The following GCGR variants were observed in gnomAD, a reference collection of about 807,000 sequenced individuals.
GCGR encodes the protein glucagon receptor.
A neutral mutation model predicts 56.1 loss-of-function variants in GCGR; 41 were observed. That is an observed-to-expected ratio of 0.73 (90% CI 0.57 to 0.95). The LOEUF (loss-of-function observed/expected upper bound fraction) is 0.95. GCGR is among the 40% of genes least tolerant of loss of function. The pLI is 0.00. For synonymous variants in GCGR, 278 were observed against 271.1 expected, an observed-to-expected ratio of 1.03 and a Z score of -0.25; for missense variants, 595 against 638.2, an observed-to-expected ratio of 0.93 and a Z score of 0.73.
Position 81,812,756 on chromosome 17 carries a change from G to A in GCGR, c.1038-51G>A. 6.5e-7 allele frequency: 1 copy of A among 1,532,526 alleles called. No homozygotes were observed. The highest frequency in any genetic ancestry group is 8.7e-7 in the Non-Finnish European group (1 of 1,144,308). 94.9% of individuals were successfully genotyped at this position (1,532,526 alleles called of 1,614,324 possible). A position where few individuals can be genotyped will look rare whatever the true frequency, so the allele number is the denominator to read the frequency against. On this transcript the variant is annotated intron_variant, in intron 11 of 13. Transcript: ENST00000400723. The surrounding 1 kb of genome is among the most constrained non-coding windows in gnomAD (Gnocchi z 8.5). ...TGGGGACTCCAAGCTCCACGTGGAT[G>A]GTGCGGGCCGAGGGTGGGGGCGGTG...
chr17:81,812,055 G>A lies in GCGR; in HGVS notation c.878+109G>A, dbSNP rs1187840789. 6 of 1,509,878 alleles carry A rather than the reference G, an allele frequency of 4.0e-6. No homozygotes were observed. Among genetic ancestry groups the A allele is most frequent in the African/African-American group, 1.4e-5 (1 of 72,354 alleles). The allele number at this position is 1,509,878 out of a possible 1,614,324, so 93.5% of individuals were successfully genotyped here. ...GATGAGCCTGGTGCCTGGGGAGGGG[G>A]TCATTTGTGACCTTCTCCCTTCCTT... On this transcript the variant is annotated intron_variant, in intron 9 of 13. Transcript: ENST00000400723. This position sits in a 1 kb window ranked among gnomAD's most constrained non-coding sequence, Gnocchi z 8.5.
Position 81,806,542 on chromosome 17 carries a change from G to A in GCGR, c.-178+2293G>A, listed in dbSNP as rs552732687. Among the ~76,000 whole-genome samples, 2 of 152,324 alleles carry A rather than the reference G, an allele frequency of 1.3e-5. No individual in the cohort carries two copies. The highest frequency in any genetic ancestry group is 1.9e-4 in the East Asian group (1 of 5,186). On this transcript the variant is annotated intron_variant, in intron 1 of 13. Coordinates refer to ENST00000400723, the MANE Select transcript of GCGR (RefSeq NM_000160.5). This position sits in a 1 kb window ranked among gnomAD's most constrained non-coding sequence, Gnocchi z 6.5. ...CCAACCCCTCCCTCGGCTCGCTGGGGTCTCCAGACTGGCTGCCCGGCTGGA... is the reference window on the plus strand; with the variant it reads ...CCAACCCCTCCCTCGGCTCGCTGGGATCTCCAGACTGGCTGCCCGGCTGGA...
In GCGR at chr17:81,809,006, G is replaced by A. The variant is rs1437243821; in HGVS notation, c.-13G>A. On this transcript the variant is annotated 5_prime_UTR_variant, in exon 2 of 14. Transcript: ENST00000400723. Reference sequence around the variant, plus strand: ...CCCTGCCAGATGTGGGAGGCAGCTAGCTGCCCAGAGGCATGCCCCCCTGCC... The same window carrying A: ...CCCTGCCAGATGTGGGAGGCAGCTAACTGCCCAGAGGCATGCCCCCCTGCC... The A allele has an allele frequency of 5.2e-6, 8 of 1,535,950 alleles. No homozygotes were observed. Among genetic ancestry groups the A allele is most frequent in the Non-Finnish European group, 7.0e-6 (8 of 1,146,864 alleles).
In GCGR at chr17:81,811,983, G is replaced by C. The variant is rs772521210; in HGVS notation, c.878+37G>C. 11 of 1,535,636 alleles carry C rather than the reference G, an allele frequency of 7.2e-6. 1 individual carries two copies. Among genetic ancestry groups the C allele is most frequent in the South Asian group, 4.8e-5 (4 of 84,000 alleles). ...CGGCTGGACAGCCTGGGGAGGGACC[G>C]GGGGGCTGGGGTGCGGCGCTCTGGC... On this transcript the variant is annotated intron_variant, in intron 9 of 13. Coordinates refer to ENST00000400723, the MANE Select transcript of GCGR (RefSeq NM_000160.5). This position sits in a 1 kb window ranked among gnomAD's most constrained non-coding sequence, Gnocchi z 5.8.
At position 81,809,773 on chromosome 17, in the gene GCGR, G is replaced by A. The variant is rs140241923; in HGVS notation, c.61-9G>A. ...TGTCTGTCTGGTTGCTTGTGCATGTGTCCCCCAGCCACAGGTCCCCTCCGC... is the reference window on the plus strand; with the variant it reads ...TGTCTGTCTGGTTGCTTGTGCATGTATCCCCCAGCCACAGGTCCCCTCCGC... On this transcript the variant is annotated splice_polypyrimidine_tract_variant and intron_variant, in intron 2 of 13. Transcript: ENST00000400723. The A allele has an allele frequency of 5.9e-4, 905 of 1,534,330 alleles. 4 individuals are homozygous for A. The African/African-American group carries it at 0.012, about 20-fold the overall frequency.
chr17:81,812,201 C>G lies in GCGR; in HGVS notation c.897C>G (p.Asp299Glu). The G allele has an allele frequency of 6.5e-7, 1 of 1,536,258 alleles. No individual in the cohort carries two copies. Among genetic ancestry groups the G allele is most frequent in the Non-Finnish European group, 8.7e-7 (1 of 1,146,790 alleles). ...FENVQCWTSN[D>E]NMGFWWILRF... ...CTCGCAGGTGCTGGACCAGCAATGA[C>G]AACATGGGCTTCTGGTGGATCCTGC... Residue 299 changes from aspartate (D) to glutamate (E), a missense_variant, in exon 10 of 14, where the codon GAC (aspartate) becomes GAG (glutamate). By Grantham distance (45) the Asp-to-Glu change is conservative. Transcript: ENST00000400723. This position sits in a 1 kb window ranked among gnomAD's most constrained non-coding sequence, Gnocchi z 8.5.
chr17:81,811,850 C>T lies in GCGR; in HGVS notation c.818-36C>T. 6.5e-7 allele frequency: 1 copy of T among 1,537,008 alleles called. No homozygotes were observed. The highest frequency in any genetic ancestry group is 8.7e-7 in the Non-Finnish European group (1 of 1,146,880). ...ATGAGAGGGGGTTAAGGCAGGCTGA[C>T]CAAGCCTTTGGGACCACAGCTGCTG... On this transcript the variant is annotated intron_variant, in intron 8 of 13. Coordinates refer to ENST00000400723, the MANE Select transcript of GCGR (RefSeq NM_000160.5). This position sits in a 1 kb window ranked among gnomAD's most constrained non-coding sequence, Gnocchi z 5.8.
rs1314672209 is a variant in GCGR, at chr17:81,813,485, G to T, written c.1230G>T (p.Glu410Asp). The change falls in exon 14 of 14, where the codon GAG (glutamate) becomes GAT (aspartate). Residue 410 changes from glutamate (E) to aspartate (D), a missense_variant. Physicochemically the swap from Glu to Asp is conservative, Grantham distance 45 (BLOSUM62 2). Transcript: ENST00000400723. This position sits in a 1 kb window ranked among gnomAD's most constrained non-coding sequence, Gnocchi z 5.3. ...YCFLNKEVQS[E>D]LRRRWHRWRL... ...GTCCCCCTCCCCAGGTGCAGTCGGA[G>T]CTGCGGCGGCGTTGGCACCGCTGGC... is the stretch of plus-strand genomic sequence containing the variant. The T allele has an allele frequency of 6.5e-7, 1 of 1,534,926 alleles. No homozygotes were observed. Among genetic ancestry groups the T allele is most frequent in the Non-Finnish European group, 8.7e-7 (1 of 1,146,708 alleles).
chr17:81,811,856 C>T lies in GCGR; in HGVS notation c.818-30C>T, dbSNP rs368505353. The T allele has an allele frequency of 1.3e-6, 2 of 1,537,042 alleles. No individual in the cohort carries two copies. Among genetic ancestry groups the T allele is most frequent in the Non-Finnish European group, 8.7e-7 (1 of 1,146,880 alleles). Reference sequence around the variant, plus strand: ...GGGGGTTAAGGCAGGCTGACCAAGCCTTTGGGACCACAGCTGCTGCCCCCC... The same window carrying T: ...GGGGGTTAAGGCAGGCTGACCAAGCTTTTGGGACCACAGCTGCTGCCCCCC... On this transcript the variant is annotated intron_variant, in intron 8 of 13. Transcript: ENST00000400723. The surrounding 1 kb of genome is among the most constrained non-coding windows in gnomAD (Gnocchi z 5.8).
rs1227289030 is a variant in GCGR at position 81,811,601 on chromosome 17, G to T, written c.657+41G>T. On this transcript the variant is annotated intron_variant, in intron 7 of 13. Coordinates refer to ENST00000400723, the MANE Select transcript of GCGR (RefSeq NM_000160.5). The surrounding 1 kb of genome is among the most constrained non-coding windows in gnomAD (Gnocchi z 5.8). Reference sequence around the variant, plus strand: ...CGGCCCCAGGCAGGTGGGTGGGTGGGCAGCCAGGCAGGTGGCCACGTAGCC... The same window carrying T: ...CGGCCCCAGGCAGGTGGGTGGGTGGTCAGCCAGGCAGGTGGCCACGTAGCC... The T allele has an allele frequency of 2.0e-6, 3 of 1,536,000 alleles. No homozygotes were observed. The East Asian group carries it at 7.3e-5, about 38-fold the overall frequency.
rs1240225006 is a variant in GCGR at position 81,811,024 on chromosome 17, G to A, written c.286G>A (p.Val96Met). ...CACACCCCCAGTGCAACACCGCTTC[G>A]TGTTCAAGAGATGCGGGCCCGACGG... ...PWHHKVQHRF[V>M]FKRCGPDGQW... The change falls in exon 5 of 14, where the codon GTG becomes ATG. Residue 96 changes from valine to methionine, a missense_variant. Coordinates refer to ENST00000400723, the MANE Select transcript of GCGR (RefSeq NM_000160.5). The surrounding 1 kb of genome is among the most constrained non-coding windows in gnomAD (Gnocchi z 5.8). 1.2e-5 allele frequency: 18 copies of A among 1,535,974 alleles called. No individual in the cohort carries two copies. Among genetic ancestry groups the A allele is most frequent in the Admixed American group, 9.8e-5 (5 of 50,988 alleles).
chr17:81,809,597 A>G (rs1458072980), intron 2 of GCGR, among the ~76,000 whole-genome samples, 185 bp from the exon 3 acceptor site: 5 of 93,538 alleles, frequency 5.3e-5, no homozygotes, highest in Non-Finnish European at 1.0e-4. Context: ...CCATCTGCCT[A>G]TCCATCTGCC....
intron 2 of GCGR, 126 bp from the exon 3 acceptor site, chr17:81,809,656 T>C (rs531419682): frequency 7.9e-6 from 4 of 508,652 alleles, no homozygotes; most frequent in African/African-American, 7.1e-5. Flanking sequence ...CCTGTCTGCC[T>C]GTCTGTCTGC....
rs2037918329 is a variant in GCGR at position 81,804,852 on chromosome 17, C to T, written c.-178+603C>T. On this transcript the variant is annotated intron_variant, in intron 1 of 13. Coordinates refer to ENST00000400723, the MANE Select transcript of GCGR (RefSeq NM_000160.5). This position sits in a 1 kb window ranked among gnomAD's most constrained non-coding sequence, Gnocchi z 8.2. ...CCCCCCCGGCGCCCCACCACCCGGCCGACTCGGCCACCGGGCTTATGCTCC... is the reference window on the plus strand; with the variant it reads ...CCCCCCCGGCGCCCCACCACCCGGCTGACTCGGCCACCGGGCTTATGCTCC... Among the ~76,000 whole-genome samples, 1 of 152,168 alleles carries T rather than the reference C, an allele frequency of 6.6e-6. No individual in the cohort carries two copies. The highest frequency in any genetic ancestry group is 1.5e-5 in the Non-Finnish European group (1 of 68,014).
rs529078630 is a variant in GCGR at position 81,811,111 on chromosome 17, G to T, written c.373G>T (p.Gly125Cys). The T allele has an allele frequency of 3.1e-5, 48 of 1,536,266 alleles. No individual in the cohort carries two copies. The South Asian group carries it at 4.6e-4, about 15-fold the overall frequency. ...WRDASQCQMD[G>C]EEIEVQKEVA... ...TGATGCCTCCCAGTGCCAGATGGAT[G>T]GCGAGGAGATTGAGGTCCAGGTCAG... The change falls in exon 5 of 14, where the codon GGC (glycine) becomes TGC (cysteine). Residue 125 changes from glycine to cysteine, a missense_variant. Physicochemically the swap from Gly to Cys is radical, Grantham distance 159. Coordinates refer to ENST00000400723, the MANE Select transcript of GCGR (RefSeq NM_000160.5). This position sits in a 1 kb window ranked among gnomAD's most constrained non-coding sequence, Gnocchi z 5.8.
Position 81,811,481 on chromosome 17 carries a change from T to A in GCGR, c.578T>A (p.Val193Asp), listed in dbSNP as rs1457619135. 1 of 1,536,528 alleles carries A rather than the reference T, an allele frequency of 6.5e-7. No homozygotes were observed. Among genetic ancestry groups the A allele is most frequent in the African/African-American group, 1.4e-5 (1 of 73,050 alleles). Reference sequence around the variant, plus strand: ...GTGCTGAAAGCCAGCTCCGTGCTGGTCATTGATGGGCTGCTCAGGACCCGC... The same window carrying A: ...GTGCTGAAAGCCAGCTCCGTGCTGGACATTGATGGGCTGCTCAGGACCCGC... ...SFVLKASSVL[V>D]IDGLLRTRYS... The change falls in exon 7 of 14, where the codon GTC (valine) becomes GAC (aspartate). Residue 193 changes from valine (V) to aspartate (D), a missense_variant. Physicochemically the swap from Val to Asp is radical, Grantham distance 152. Transcript: ENST00000400723. This position sits in a 1 kb window ranked among gnomAD's most constrained non-coding sequence, Gnocchi z 5.8.
Position 81,806,241 on chromosome 17 carries a change from C to T in GCGR, c.-178+1992C>T, listed in dbSNP as rs754418973. Reference sequence around the variant, plus strand: ...CCCACCACCCGCAGGGAACGGAGGACGCTCACACTTCTGCACCTCCTGCCT... The same window carrying T: ...CCCACCACCCGCAGGGAACGGAGGATGCTCACACTTCTGCACCTCCTGCCT... On this transcript the variant is annotated intron_variant, in intron 1 of 13. Transcript: ENST00000400723. This position sits in a 1 kb window ranked among gnomAD's most constrained non-coding sequence, Gnocchi z 6.5. 2.0e-5 allele frequency among the ~76,000 whole-genome samples: 3 copies of T among 152,108 alleles called. No homozygotes were observed. Among genetic ancestry groups the T allele is most frequent in the African/African-American group, 4.8e-5 (2 of 41,394 alleles).
rs1196623695 is a variant in GCGR, at chr17:81,809,021, GC to G, written c.9del (p.Cys4AlafsTer25). 4 of 1,535,962 alleles carry G rather than the reference GC, an allele frequency of 2.6e-6. No individual in the cohort carries two copies. The highest frequency in any genetic ancestry group is 2.4e-5 in the East Asian group (1 of 40,904). ...GAGGCAGCTAGCTGCCCAGAGGCATGCCCCCCTGCCAGCCACAGCGACCCCT... is the reference window on the plus strand; with the variant it reads ...GAGGCAGCTAGCTGCCCAGAGGCATGCCCCCTGCCAGCCACAGCGACCCCT... M[P>X]PCQPQRPLLL... is the part of the protein sequence containing the mutation. On this transcript the variant is annotated frameshift_variant, in exon 2 of 14. Coordinates refer to ENST00000400723, the MANE Select transcript of GCGR (RefSeq NM_000160.5). LOFTEE classifies it high-confidence loss of function.
Position 81,813,848 on chromosome 17 carries a change from C to T in GCGR, c.*159C>T, listed in dbSNP as rs1191421162. The T allele has an allele frequency of 3.0e-6, 2 of 662,054 alleles. No homozygotes were observed. Among genetic ancestry groups the T allele is most frequent in the Non-Finnish European group, 5.1e-6 (2 of 391,040 alleles). The allele number at this position is 662,054 out of a possible 1,614,324, so 41.0% of individuals were successfully genotyped here. On this transcript the variant is annotated 3_prime_UTR_variant, in exon 14 of 14. Coordinates refer to ENST00000400723, the MANE Select transcript of GCGR (RefSeq NM_000160.5). This position sits in a 1 kb window ranked among gnomAD's most constrained non-coding sequence, Gnocchi z 5.3. ...TGTGGCTGTCTGCGAGATTGGGCCTCCTCTCCCTGCACCTGCCTTGTCCCT... is the reference window on the plus strand; with the variant it reads ...TGTGGCTGTCTGCGAGATTGGGCCTTCTCTCCCTGCACCTGCCTTGTCCCT...
Sources: gnomAD v4.1 joint callset for allele counts (sites outside exome capture counted in the v4.1 genomes callset) on GRCh38, gnomAD v4.1.1 for gene constraint, Gnocchi (gnomAD v3.1) non-coding constraint, MANE v1.5 for transcripts, NCBI Gene and HGNC (gene_info 2026-07-23, HGNC 2026-07-21) for gene names.